CDH23: variants seen among roughly 807,000 people sequenced by gnomAD.
CDH23 encodes cadherin-23.
A neutral mutation model predicts 317.1 loss-of-function variants in CDH23; 189 were observed. The observed-to-expected ratio is 0.60, with a 90% CI of 0.53 to 0.67. The LOEUF (loss-of-function observed/expected upper bound fraction) is 0.67. CDH23 is among the 30% of genes least tolerant of loss of function. The pLI, the probability that CDH23 is intolerant of heterozygous loss-of-function variation, is 0.00. For synonymous variants in CDH23, 1,839 were observed against 1,876.8 expected (o/e 0.98, Z 0.52); for missense variants, 4,401 against 4,592.4 (o/e 0.96, Z 1.20).
intron 6 of CDH23, among the ~76,000 whole-genome samples, chr10:71,517,953 G>A (rs1443386022): frequency 2.6e-5 from 4 of 152,186 alleles, no homozygotes; most frequent in Non-Finnish European, 4.4e-5. Context: ...GCGGCAGGCA[G>A]ATGCCATCGC....
At chr10:71,469,841 G>A (rs968963521) in intron 3 of CDH23, among the ~76,000 whole-genome samples, 1 of 152,186 alleles carries the variant, frequency 6.6e-6, no homozygotes, top group Non-Finnish European at 1.5e-5. Context: ...TTGACCTCAG[G>A]TGGTCTGCCC....
At chr10:71,561,232 C>T (rs1263085958) in intron 6 of CDH23, among the ~76,000 whole-genome samples, 4 of 152,020 alleles carry the variant, frequency 2.6e-5, no homozygotes, top group Non-Finnish European at 4.4e-5. Context: ...TTCACTCTGG[C>T]CCTCAGTCCT....
intron 3 of CDH23, among the ~76,000 whole-genome samples, chr10:71,507,211 C>T (rs533021376): frequency 7.9e-5 from 12 of 152,276 alleles, no homozygotes; most frequent in East Asian, 1.9e-4. Flanking sequence ...ACAAGCAAGG[C>T]GCTTATGGGC....
intron 1 of CDH23, among the ~76,000 whole-genome samples, chr10:71,403,987 A>C (rs1409223529): frequency 1.3e-5 from 2 of 152,172 alleles, no homozygotes; most frequent in Non-Finnish European, 2.9e-5. Context: ...AGTTTTTCGG[A>C]AAACTGAGGC....
chr10:71,793,778 A>G, intron 48 of CDH23, 138 bp downstream of exon 48: 1 of 669,872 alleles, frequency 1.5e-6, no homozygotes, highest in Non-Finnish European at 2.5e-6. Flanking sequence ...CTCTGGAGGG[A>G]AACCAGAACC....
chr10:71,798,770 G>T (rs1841476471), intron 50 of CDH23, among the ~76,000 whole-genome samples, 192 bp downstream of exon 50: 1 of 152,146 alleles, frequency 6.6e-6, no homozygotes, highest in African/African-American at 2.4e-5. Context: ...GGTTGGGATG[G>T]AAGCCTCTTG....
At chr10:71,478,234 A>G (rs911288855) in intron 3 of CDH23, among the ~76,000 whole-genome samples, 2 of 152,194 alleles carry the variant, frequency 1.3e-5, no homozygotes, top group South Asian at 2.1e-4. Context: ...CCTGGCATAC[A>G]TACTCTGCCG....
At chr10:71,784,237 C>T (rs779608742) in intron 41 of CDH23, 50 bp from the exon 42 acceptor site, 3 of 1,586,510 alleles carry the variant, frequency 1.9e-6, no homozygotes, top group South Asian at 1.1e-5. Flanking sequence ...GGGGTCTCCA[C>T]AGTTCCTGCC....
intron 17 of CDH23, among the ~76,000 whole-genome samples, chr10:71,682,190 C>T (rs955453808): frequency 2.0e-5 from 3 of 152,232 alleles, no homozygotes; most frequent in East Asian, 1.9e-4. Flanking sequence ...CATCTCTGAG[C>T]TTGGTTTCTT....
chr10:71,561,004 G>A (rs1392913402), intron 6 of CDH23, among the ~76,000 whole-genome samples: 2 of 152,178 alleles, frequency 1.3e-5, no homozygotes, highest in African/African-American at 4.8e-5. Flanking sequence ...GGTGAAGGGA[G>A]CAGGTGCACC....
At chr10:71,731,582 A>C (rs1839387203) in intron 31 of CDH23, among the ~76,000 whole-genome samples, 1 of 152,156 alleles carries the variant, frequency 6.6e-6, no homozygotes, top group African/African-American at 2.4e-5. Flanking sequence ...CTTCTGTCGA[A>C]GGGACCAAAC....
At chr10:71,683,474 G>C (rs1182181667) in intron 18 of CDH23, among the ~76,000 whole-genome samples, 1 of 152,172 alleles carries the variant, frequency 6.6e-6, no homozygotes, top group Non-Finnish European at 1.5e-5. Flanking sequence ...AACAAGCTCT[G>C]TCTTCTCAAC....
chr10:71,533,704 G>A (rs934658028), intron 6 of CDH23, among the ~76,000 whole-genome samples: 5 of 152,154 alleles, frequency 3.3e-5, no homozygotes, highest in South Asian at 2.1e-4. Context: ...TGGCACTGGA[G>A]AGGTTGGAGG....
At chr10:71,535,259 T>C (rs987818356) in intron 6 of CDH23, among the ~76,000 whole-genome samples, 4 of 152,204 alleles carry the variant, frequency 2.6e-5, no homozygotes, top group African/African-American at 7.2e-5. Context: ...TTATAGCCTG[T>C]GTCTTGCTCC....
chr10:71,455,499 T>C (rs906342364), intron 3 of CDH23, among the ~76,000 whole-genome samples: 9 of 152,240 alleles, frequency 5.9e-5, no homozygotes, highest in Non-Finnish European at 1.0e-4. Flanking sequence ...TATATACTTA[T>C]ATTCATTCGT....
chr10:71,405,455 A>G (rs1407945491), intron 1 of CDH23, among the ~76,000 whole-genome samples: 1 of 139,120 alleles, frequency 7.2e-6, no homozygotes, highest in Non-Finnish European at 1.5e-5. Flanking sequence ...TTTTTTTGAG[A>G]CAGTGTCTCT....
In CDH23 at chr10:71,791,333, C is replaced by T. The variant is rs1347915805; in HGVS notation, c.6251C>T (p.Pro2084Leu). Reference protein sequence around the residue: ...LTVHLLENCPPGFSVLQVTAT... With the variant: ...LTVHLLENCPLGFSVLQVTAT... ...GTCCATCTGCTAGAGAACTGCCCGCCTGGTAAGCAGGGGACAGGCCCCAGC... is the reference window on the plus strand; with the variant it reads ...GTCCATCTGCTAGAGAACTGCCCGCTTGGTAAGCAGGGGACAGGCCCCAGC... Residue 2084 changes from proline (P) to leucine (L), a missense_variant and splice_region_variant, in exon 47 of 70, where the codon CCT (proline) becomes CTT (leucine). Coordinates refer to ENST00000224721, the MANE Select transcript of CDH23 (RefSeq NM_022124.6). The T allele has an allele frequency of 1.2e-6, 2 of 1,613,052 alleles. No individual in the cohort carries two copies. Among genetic ancestry groups the T allele is most frequent in the Non-Finnish European group, 1.7e-6 (2 of 1,179,592 alleles).
rs79120321 is a variant in CDH23 at position 71,515,458 on chromosome 10, G to A, written c.429+4246G>A. 5.5e-3 allele frequency among the ~76,000 whole-genome samples: 821 copies of A among 149,102 alleles called. 36 individuals carry two copies. The East Asian group carries it at 0.12, about 22-fold the overall frequency. ...TTGTACTTTTCTAACTAGTACTGGAGTTCAGCCTAACTCAACTCTGCCTGT... is the reference window on the plus strand; with the variant it reads ...TTGTACTTTTCTAACTAGTACTGGAATTCAGCCTAACTCAACTCTGCCTGT... On this transcript the variant is annotated intron_variant, in intron 6 of 69. Coordinates refer to ENST00000224721, the MANE Select transcript of CDH23 (RefSeq NM_022124.6).
At chr10:71,538,494 TGGCCCGCCCCAGCCAAAAGCC>T (rs1269727769) in intron 6 of CDH23, among the ~76,000 whole-genome samples, 2 of 152,130 alleles carry the variant, frequency 1.3e-5, no homozygotes, top group Non-Finnish European at 2.9e-5. Context: ...CTGGAGCCAT[TGGCCCGCCCCAGCCAAAAGCC>T]ATTTCTCTTC....
Sources: allele counts gnomAD v4.1 joint callset (sites outside exome capture counted in the v4.1 genomes callset), GRCh38; gene constraint gnomAD v4.1.1; transcripts MANE v1.5; gene names NCBI Gene and HGNC (gene_info 2026-07-23, HGNC 2026-07-21).